PXK: variants seen among roughly 807,000 people sequenced by gnomAD.
The protein encoded by PXK is PX domain-containing protein kinase-like protein.
PXK carries 35 observed loss-of-function variants against 84.7 expected under a neutral mutation model. That is an observed-to-expected ratio of 0.41 (90% CI 0.32 to 0.55). The LOEUF (loss-of-function observed/expected upper bound fraction) is 0.55, where lower values mean the gene tolerates loss of function less well. PXK is among the 20% of genes least tolerant of loss of function. The probability of loss-of-function intolerance (pLI) is 0.21; values close to 1 mark genes in which losing one functional copy is unlikely to be tolerated. For synonymous variants in PXK, 253 were observed against 260.8 expected, an observed-to-expected ratio of 0.97 and a Z score of 0.29; for missense variants, 634 against 699.7, an observed-to-expected ratio of 0.91 and a Z score of 1.06.
rs779773335 is a variant in PXK, at chr3:58,390,629, T to C, written c.436T>C (p.Trp146Arg). ...VSMFFRSEPK[W>R]EVVEPLKDIG... ...CATGTTCTTCCGATCAGAACCAAAG[T>C]GGGAGGTGGTGGAACCTTTGAAAGA... Residue 146 changes from tryptophan (W) to arginine (R), a missense_variant, in exon 5 of 18, where the codon TGG (tryptophan) becomes CGG (arginine). Physicochemically the swap from Trp to Arg is moderately radical, Grantham distance 101 (BLOSUM62 -3). Around this residue, in one of 3 missense-constraint regions of PXK, gnomAD observed 353 missense variants for 385.2 expected, o/e 0.92. Coordinates refer to ENST00000356151, the MANE Select transcript of PXK (RefSeq NM_017771.5). This position sits in a 1 kb window ranked among gnomAD's most constrained non-coding sequence, Gnocchi z 4.2. 6.2e-7 allele frequency: 1 copy of C among 1,612,718 alleles called. No homozygotes were observed. The highest frequency in any genetic ancestry group is 1.1e-5 in the South Asian group (1 of 90,938).
chr3:58,349,474 G>A (rs7626661), intron 1 of PXK, among the ~76,000 whole-genome samples: 20,611 of 151,108 alleles, frequency 0.14, 2,208 homozygotes, highest in African/African-American at 0.29. Flanking sequence ...TCCTGCCTCA[G>A]CCTCCTGAGT....
chr3:58,375,503 C>T (rs539320254), intron 3 of PXK, among the ~76,000 whole-genome samples: 5 of 152,264 alleles, frequency 3.3e-5, no homozygotes, highest in African/African-American at 1.2e-4. Context: ...GCTAAGACAG[C>T]AGGCTCTCAG....
At chr3:58,415,622 T>G (rs2060842724) in intron 17 of PXK, among the ~76,000 whole-genome samples, 1 of 152,210 alleles carries the variant, frequency 6.6e-6, no homozygotes. Flanking sequence ...TTGACAACCA[T>G]ATAGAAATGT....
rs1455037781 is a variant in PXK at position 58,397,102 on chromosome 3, C to G, written c.886C>G (p.Leu296Val). 2 of 1,614,034 alleles carry G rather than the reference C, an allele frequency of 1.2e-6. No homozygotes were observed. Among genetic ancestry groups the G allele is most frequent in the African/African-American group, 1.3e-5 (1 of 74,940 alleles). ...GCATCTTCACGCCTCCAATGTGATG[C>G]TCGATGGGGACACTTGCCGGCTGCT... is the stretch of plus-strand genomic sequence containing the variant. ...YGHLHASNVMLDGDTCRLLDL... is the reference protein window; with the variant it reads ...YGHLHASNVMVDGDTCRLLDL... Residue 296 changes from leucine (L) to valine (V), a missense_variant, in exon 10 of 18, where the codon CTC (leucine) becomes GTC (valine). Leu to Val is a conservative substitution (Grantham distance 32, BLOSUM62 1). This residue lies in a region of PXK where 353 missense variants were observed against 385.2 expected (regional missense o/e 0.92). Coordinates refer to ENST00000356151, the MANE Select transcript of PXK (RefSeq NM_017771.5). This position sits in a 1 kb window ranked among gnomAD's most constrained non-coding sequence, Gnocchi z 4.7.
chr3:58,422,312 C>A (rs1312859941), intron 17 of PXK: 1 of 985,248 alleles, frequency 1.0e-6, no homozygotes, highest in African/African-American at 1.7e-5. Flanking sequence ...CTGGGTCTGG[C>A]CTTCCTTGCC....
At chr3:58,339,432 G>A (rs1485481469) in intron 1 of PXK, among the ~76,000 whole-genome samples, 5 of 151,870 alleles carry the variant, frequency 3.3e-5, no homozygotes, top group East Asian at 1.9e-4. Context: ...GTTTTACCAC[G>A]TTGGCCAGGC....
chr3:58,371,505 G>T (rs949302672), intron 3 of PXK, among the ~76,000 whole-genome samples: 2 of 152,204 alleles, frequency 1.3e-5, no homozygotes, highest in Non-Finnish European at 2.9e-5. Flanking sequence ...GCATAAAGGG[G>T]GCGTGATCTT....
intron 1 of PXK, among the ~76,000 whole-genome samples, chr3:58,353,592 G>T (rs912606500): frequency 2.0e-5 from 3 of 152,162 alleles, no homozygotes; most frequent in African/African-American, 7.2e-5. Flanking sequence ...AAATATTAAG[G>T]ACTGTAAGTG....
At position 58,390,191 on chromosome 3, in the gene PXK, C is replaced by T. The variant is rs759311087; in HGVS notation, c.389-391C>T. Among the ~76,000 whole-genome samples the T allele has an allele frequency of 6.6e-6, 1 of 151,668 alleles. No individual in the cohort carries two copies. Among genetic ancestry groups the T allele is most frequent in the Non-Finnish European group, 1.5e-5 (1 of 67,918 alleles). ...AGACCCTATCTCAAAAAACAAAAAA[C>T]AAAACTAAACAAAAGAAGTTGCAAT... On this transcript the variant is annotated intron_variant, in intron 4 of 17. Coordinates refer to ENST00000356151, the MANE Select transcript of PXK (RefSeq NM_017771.5). The surrounding 1 kb of genome is among the most constrained non-coding windows in gnomAD (Gnocchi z 4.2).
intron 1 of PXK, among the ~76,000 whole-genome samples, chr3:58,365,491 A>G (rs2098256637): frequency 6.6e-6 from 1 of 152,232 alleles, no homozygotes; most frequent in Non-Finnish European, 1.5e-5. Context: ...TGCTAATTAA[A>G]TCCTGTTGGC....
chr3:58,353,527 C>T (rs1053957446), intron 1 of PXK, among the ~76,000 whole-genome samples: 3 of 152,074 alleles, frequency 2.0e-5, no homozygotes, highest in Non-Finnish European at 2.9e-5. Context: ...GCAGATGAAA[C>T]GACAGTAAAT....
chr3:58,409,091 C>A lies in PXK; in HGVS notation c.1308+90C>A. On this transcript the variant is annotated intron_variant, in intron 14 of 17. Transcript: ENST00000356151. This position sits in a 1 kb window ranked among gnomAD's most constrained non-coding sequence, Gnocchi z 4.2. ...GATTGACCTTTGACTGTTCCCTCTG[C>A]AAATATTTTAAGCATACTTACTCTC... The A allele has an allele frequency of 1.0e-6, 1 of 982,438 alleles. No individual in the cohort carries two copies. Among genetic ancestry groups the A allele is most frequent in the Non-Finnish European group, 1.6e-6 (1 of 640,574 alleles). 60.9% of individuals were successfully genotyped at this position (982,438 alleles called of 1,614,324 possible).
intron 1 of PXK, among the ~76,000 whole-genome samples, chr3:58,354,028 G>A (rs1028856065): frequency 1.3e-5 from 2 of 152,180 alleles, no homozygotes; most frequent in African/African-American, 4.8e-5. Context: ...AAGTGCCAGG[G>A]GAGAAGTGAG....
In PXK at chr3:58,399,157, C is replaced by T; in HGVS notation, c.1103-142C>T. ...CAGCATTCCCCCACCCCACGTATGCCATCTGTCTGTGTGTGAAGATTTTTG... is the reference window on the plus strand; with the variant it reads ...CAGCATTCCCCCACCCCACGTATGCTATCTGTCTGTGTGTGAAGATTTTTG... On this transcript the variant is annotated intron_variant, in intron 11 of 17. Coordinates refer to ENST00000356151, the MANE Select transcript of PXK (RefSeq NM_017771.5). The surrounding 1 kb of genome is among the most constrained non-coding windows in gnomAD (Gnocchi z 4.3). 1.4e-6 allele frequency: 1 copy of T among 708,400 alleles called. No homozygotes were observed. The highest frequency in any genetic ancestry group is 2.6e-6 in the Non-Finnish European group (1 of 391,372). 43.9% of individuals were successfully genotyped at this position (708,400 alleles called of 1,614,324 possible).
chr3:58,359,911 G>A (rs547379093), intron 1 of PXK, among the ~76,000 whole-genome samples: 1 of 152,294 alleles, frequency 6.6e-6, no homozygotes, highest in South Asian at 2.1e-4. Flanking sequence ...ACTTTGGGAG[G>A]CTGAGACAGA....
At chr3:58,402,253 C>G (rs1242319629) in intron 12 of PXK, among the ~76,000 whole-genome samples, 2 of 136,452 alleles carry the variant, frequency 1.5e-5, no homozygotes, top group African/African-American at 5.3e-5. Flanking sequence ...CCTCGCACTC[C>G]CCCTCCCCCT....
intron 17 of PXK, among the ~76,000 whole-genome samples, chr3:58,419,291 G>T (rs551739597): frequency 6.6e-6 from 1 of 152,194 alleles, no homozygotes; most frequent in Admixed American, 6.5e-5. Flanking sequence ...CACTCTTGTT[G>T]CCCTGGCTGG....
chr3:58,376,390 G>A (rs138970134), intron 3 of PXK, among the ~76,000 whole-genome samples: 1 of 152,090 alleles, frequency 6.6e-6, no homozygotes, highest in African/African-American at 2.4e-5. Flanking sequence ...ACTCCAGCCT[G>A]GGTGACAAGA....
intron 9 of PXK, 103 bp downstream of exon 9, chr3:58,395,862 G>A (rs958712583): frequency 5.4e-6 from 5 of 921,032 alleles, no homozygotes; most frequent in African/African-American, 5.1e-5. Context: ...TAAGTTGTCT[G>A]ATTACTTATA....
Sources: gnomAD v4.1 joint callset for allele counts (sites outside exome capture counted in the v4.1 genomes callset) on GRCh38, gnomAD v4.1.1 for gene constraint, gnomAD v4.1.1 regional missense constraint, Gnocchi (gnomAD v3.1) non-coding constraint, MANE v1.5 for transcripts, NCBI Gene and HGNC (gene_info 2026-07-23, HGNC 2026-07-21) for gene names.